PRKG1: variants seen among roughly 807,000 people sequenced by gnomAD.
PRKG1 encodes the protein cGMP-dependent protein kinase 1.
PRKG1 carries 35 observed loss-of-function variants against 88.1 expected under a neutral mutation model. The ratio of observed to expected loss-of-function variants is 0.40; its 90% CI spans 0.30 to 0.53. PRKG1 has a LOEUF of 0.53. PRKG1 is among the 20% of genes least tolerant of loss of function. The probability of loss-of-function intolerance (pLI) is 0.59; values close to 1 mark genes in which losing one functional copy is unlikely to be tolerated. For missense variants in PRKG1, 540 were observed against 839.8 expected, an observed-to-expected ratio of 0.64 and a Z score of 4.41; for synonymous variants, 303 against 292.5, an observed-to-expected ratio of 1.04 and a Z score of -0.37.
At chr10:51,257,792 T>G (rs1839603372) in intron 2 of PRKG1, among the ~76,000 whole-genome samples, 1 of 152,174 alleles carries the variant, frequency 6.6e-6, no homozygotes, top group African/African-American at 2.4e-5. Context: ...GTGATTCTGA[T>G]GAACTAGGCT....
At chr10:51,323,363 A>T (rs1841503483) in intron 2 of PRKG1, among the ~76,000 whole-genome samples, 2 of 152,220 alleles carry the variant, frequency 1.3e-5, no homozygotes, top group South Asian at 4.1e-4. Flanking sequence ...TTATTTAGTT[A>T]TTAAATAGTT....
intron 3 of PRKG1, among the ~76,000 whole-genome samples, chr10:51,550,814 C>T (rs562052849): frequency 6.6e-6 from 1 of 151,982 alleles, no homozygotes; most frequent in South Asian, 2.1e-4. Flanking sequence ...TGGTTTCAAA[C>T]ATGAAACCAA....
rs923636941 is a variant in PRKG1 at position 51,554,430 on chromosome 10, G to A, written c.592+86594G>A. 4.6e-3 allele frequency among the ~76,000 whole-genome samples: 682 copies of A among 148,180 alleles called. 7 individuals carry two copies. Among genetic ancestry groups the A allele is most frequent in the African/African-American group, 0.016 (642 of 40,558 alleles). On this transcript the variant is annotated intron_variant, in intron 3 of 17. Transcript: ENST00000373980. ...ATATATGTATATTTATCGTGTGTGTGTGTGTGTGTGTGTATATATATATCA... is the reference window on the plus strand; with the variant it reads ...ATATATGTATATTTATCGTGTGTGTATGTGTGTGTGTGTATATATATATCA...
chr10:51,201,755 G>A (rs1038107071), intron 2 of PRKG1, among the ~76,000 whole-genome samples: 2 of 152,108 alleles, frequency 1.3e-5, no homozygotes, highest in African/African-American at 2.4e-5. Context: ...CAGAAGCTGT[G>A]GGTCTGCAAC....
At chr10:51,005,989 A>G (rs1213065263) in intron 1 of PRKG1, among the ~76,000 whole-genome samples, 3 of 152,146 alleles carry the variant, frequency 2.0e-5, no homozygotes, top group African/African-American at 7.2e-5. Context: ...TAGATATTCT[A>G]ACGGTGCAGT....
chr10:51,629,941 A>T (rs1839481327), intron 3 of PRKG1, among the ~76,000 whole-genome samples: 1 of 152,168 alleles, frequency 6.6e-6, no homozygotes, highest in African/African-American at 2.4e-5. Flanking sequence ...ATGTTCACTC[A>T]TCGCCCCCAT....
At position 52,102,150 on chromosome 10, in the gene PRKG1, G is replaced by T. The variant is rs115811142; in HGVS notation, c.936-31690G>T. 2.8e-3 allele frequency among the ~76,000 whole-genome samples: 428 copies of T among 152,272 alleles called. 5 individuals carry two copies. Among genetic ancestry groups the T allele is most frequent in the African/African-American group, 9.7e-3 (402 of 41,554 alleles). ...TGTCCCTGAAGTCAGGAAGTACCTA[G>T]CCAATAAACAACTGCCTTTTTACAG... is the stretch of plus-strand genomic sequence containing the variant. On this transcript the variant is annotated intron_variant, in intron 7 of 17. Coordinates refer to ENST00000373980, the MANE Select transcript of PRKG1 (RefSeq NM_006258.4).
chr10:51,493,460 AT>A (rs35091855), intron 3 of PRKG1, among the ~76,000 whole-genome samples: 14,980 of 152,156 alleles, frequency 0.098, 2,324 homozygotes, highest in African/African-American at 0.33. Flanking sequence ...ATATGATGAC[AT>A]TTTTTCCATT....
intron 2 of PRKG1, among the ~76,000 whole-genome samples, chr10:51,461,427 A>T (rs1564507369): frequency 1.3e-5 from 2 of 152,222 alleles, no homozygotes; most frequent in East Asian, 1.9e-4. Flanking sequence ...TAGAAAAAAA[A>T]CCTAATACAT....
At chr10:51,029,153 T>G (rs111235171) in intron 1 of PRKG1, among the ~76,000 whole-genome samples, 27 of 152,314 alleles carry the variant, frequency 1.8e-4, no homozygotes, top group African/African-American at 6.5e-4. Flanking sequence ...TGGGCAAATT[T>G]GCTTCAAAAT....
intron 5 of PRKG1, among the ~76,000 whole-genome samples, chr10:51,992,454 T>C (rs2133131007): frequency 6.6e-6 from 1 of 152,218 alleles, no homozygotes; most frequent in East Asian, 1.9e-4. Flanking sequence ...TTGAATGCTT[T>C]AGAAAGGCAC....
Position 51,787,816 on chromosome 10 carries a change from A to G in PRKG1, c.593-16769A>G, listed in dbSNP as rs559060185. Among the ~76,000 whole-genome samples, 3 of 152,308 alleles carry G rather than the reference A, an allele frequency of 2.0e-5. No homozygotes were observed. The Middle Eastern group carries it at 0.01, about 518-fold the overall frequency. ...TTTAAAAAACAAAAGTTCACAAACT[A>G]CTTATTACAATCAACCTTCAGAATA... On this transcript the variant is annotated intron_variant, in intron 3 of 17. Coordinates refer to ENST00000373980, the MANE Select transcript of PRKG1 (RefSeq NM_006258.4).
chr10:51,117,192 AAC>A (rs1250926728), intron 1 of PRKG1, among the ~76,000 whole-genome samples: 1 of 152,278 alleles, frequency 6.6e-6, no homozygotes, highest in East Asian at 1.9e-4. Context: ...TGGACTCTTA[AAC>A]ACAGCACAGC....
intron 4 of PRKG1, among the ~76,000 whole-genome samples, chr10:51,807,983 G>T (rs747465571): frequency 2.6e-5 from 4 of 152,116 alleles, no homozygotes; most frequent in Non-Finnish European, 4.4e-5. Context: ...AAAGCCAGAA[G>T]AGTGAATAAT....
At chr10:51,636,940 A>G (rs576751282) in intron 3 of PRKG1, among the ~76,000 whole-genome samples, 12 of 152,300 alleles carry the variant, frequency 7.9e-5, no homozygotes, top group Non-Finnish European at 1.2e-4. Context: ...TAAGGCACCC[A>G]TTACTAAATC....
rs979979212 is a variant in PRKG1, at chr10:51,074,568, A to G, written c.-23A>G. The G allele has an allele frequency of 1.9e-6, 3 of 1,594,672 alleles. No homozygotes were observed. The highest frequency in any genetic ancestry group is 2.6e-6 in the Non-Finnish European group (3 of 1,167,506). ...AAGACGCGGAGCAGCGGCAGGAAGGAGCCCCCGGCAGCCCGGAGGAGCATG... is the reference window on the plus strand; with the variant it reads ...AAGACGCGGAGCAGCGGCAGGAAGGGGCCCCCGGCAGCCCGGAGGAGCATG... On this transcript the variant is annotated 5_prime_UTR_variant, in exon 1 of 18. Coordinates refer to ENST00000373980, the MANE Select transcript of PRKG1 (RefSeq NM_006258.4).
chr10:51,244,135 G>A (rs551269753), intron 2 of PRKG1, among the ~76,000 whole-genome samples: 2 of 151,976 alleles, frequency 1.3e-5, no homozygotes, highest in South Asian at 4.2e-4. Context: ...TCCCAAGAAG[G>A]AACAACATAA....
intron 8 of PRKG1, among the ~76,000 whole-genome samples, chr10:52,138,128 G>A (rs1837476927): frequency 1.3e-5 from 2 of 151,882 alleles, no homozygotes; most frequent in African/African-American, 4.8e-5. Flanking sequence ...CATGCTGGAT[G>A]GTAAATAGCA....
At chr10:51,212,337 A>G (rs910297259) in intron 2 of PRKG1, among the ~76,000 whole-genome samples, 8 of 152,236 alleles carry the variant, frequency 5.3e-5, no homozygotes, top group Non-Finnish European at 1.2e-4. Context: ...AAAGACTTAC[A>G]TGTTAGACCT....
Sources: gnomAD v4.1 joint callset for allele counts (sites outside exome capture counted in the v4.1 genomes callset) on GRCh38, gnomAD v4.1.1 for gene constraint, MANE v1.5 for transcripts, NCBI Gene and HGNC (gene_info 2026-07-23, HGNC 2026-07-21) for gene names.